Variants in TARS3 observed in about 807,000 individuals in gnomAD.
TARS3 encodes the protein threonine--tRNA ligase 2, cytoplasmic.
A neutral mutation model predicts 103.5 loss-of-function variants in TARS3; 94 were observed. That is an observed-to-expected ratio of 0.91 (90% CI 0.77 to 1.08). The LOEUF (loss-of-function observed/expected upper bound fraction) is 1.08, where lower values mean the gene tolerates loss of function less well. TARS3 is among the 50% of genes least tolerant of loss of function. The pLI, the probability that TARS3 is intolerant of heterozygous loss-of-function variation, is 0.00. For missense variants in TARS3, 952 were observed against 995.2 expected, an observed-to-expected ratio of 0.96 and a Z score of 0.58; for synonymous variants, 416 against 355.4, an observed-to-expected ratio of 1.17 and a Z score of -1.92.
rs1312321058 is a variant in TARS3, at chr15:101,675,622, T to C, written c.1766A>G (p.Glu589Gly). The stretch of plus-strand genomic sequence containing the variant: ...TACCTTCTCAGCCTCATTCCACATC[T>C]CAATCTCTCCTAGGAAGTTTTCCGG... ...TRPENFLGEI[E>G]MWNEAEKQLQ... The change falls in exon 13 of 19, where the codon GAG becomes GGG. Residue 589 changes from glutamate (E) to glycine (G), a missense_variant. Physicochemically the swap from Glu to Gly is moderately conservative, Grantham distance 98. This residue lies in a region of TARS3 where 540 missense variants were observed against 631.0 expected (regional missense o/e 0.86). Coordinates refer to ENST00000335968, the MANE Select transcript of TARS3 (RefSeq NM_152334.3). 6.2e-7 allele frequency: 1 copy of C among 1,613,772 alleles called. No homozygotes were observed. The highest frequency in any genetic ancestry group is 1.1e-5 in the South Asian group (1 of 90,986).
intron 5 of TARS3, among the ~76,000 whole-genome samples, chr15:101,709,959 C>T (rs1899776547): frequency 6.6e-6 from 1 of 152,070 alleles, no homozygotes; most frequent in Non-Finnish European, 1.5e-5. Flanking sequence ...GGCTAGGTCC[C>T]CTAGGTAGCT....
At chr15:101,671,350 C>T in intron 15 of TARS3, 136 bp downstream of exon 15, 1 of 640,400 alleles carries the variant, frequency 1.6e-6, no homozygotes. Flanking sequence ...GGATTATGAT[C>T]AGGTAAACAA....
chr15:101,681,279 T>A (rs1400912144), intron 12 of TARS3, among the ~76,000 whole-genome samples: 1 of 152,192 alleles, frequency 6.6e-6, no homozygotes, highest in Non-Finnish European at 1.5e-5. Flanking sequence ...TATACGAATT[T>A]TAGAATCAGC....
Position 101,714,956 on chromosome 15 carries a change from G to C in TARS3, c.574C>G (p.Leu192Val). Reference sequence around the variant, plus strand: ...TTGGCTATTACCGTGCTTTCAGCCAGTTCCTGACTAAGAAGACAAAAGCCA... The same window carrying C: ...TTGGCTATTACCGTGCTTTCAGCCACTTCCTGACTAAGAAGACAAAAGCCA... ...YQVAAEISQE[L>V]AESTVIAKVN... is the part of the protein sequence containing the mutation. The change falls in exon 4 of 19, where the codon CTG becomes GTG. Residue 192 changes from leucine (L) to valine (V), a missense_variant. Physicochemically the swap from Leu to Val is conservative, Grantham distance 32. Transcript: ENST00000335968. 3 of 1,605,450 alleles carry C rather than the reference G, an allele frequency of 1.9e-6. No homozygotes were observed. The highest frequency in any genetic ancestry group is 2.6e-6 in the Non-Finnish European group (3 of 1,175,540).
intron 8 of TARS3, among the ~76,000 whole-genome samples, chr15:101,702,884 T>C (rs971229826): frequency 6.6e-6 from 1 of 152,190 alleles, no homozygotes; most frequent in Non-Finnish European, 1.5e-5. Flanking sequence ...AATTATACCA[T>C]TAACCAGCAA....
intron 15 of TARS3, among the ~76,000 whole-genome samples, chr15:101,671,194 G>A (rs1411238288): frequency 6.6e-6 from 1 of 152,138 alleles, no homozygotes; most frequent in Non-Finnish European, 1.5e-5. Flanking sequence ...CCCAATGCCA[G>A]CATTTTGTGA....
chr15:101,720,451 C>T (rs1035619330), intron 3 of TARS3, among the ~76,000 whole-genome samples: 5 of 152,038 alleles, frequency 3.3e-5, no homozygotes, highest in African/African-American at 1.2e-4. Context: ...ACTTAAAAGA[C>T]CTGTAAAAAC....
intron 10 of TARS3, among the ~76,000 whole-genome samples, chr15:101,694,961 C>A (rs8033980): frequency 0.93 from 141,193 of 152,246 alleles, 65,904 homozygotes; most frequent in South Asian, 0.98. Context: ...AAAGTCCTGG[C>A]GAGTTTCGGA....
intron 10 of TARS3, among the ~76,000 whole-genome samples, chr15:101,691,363 T>C (rs1438870668): frequency 6.6e-6 from 1 of 151,818 alleles, no homozygotes; most frequent in African/African-American, 2.4e-5. Context: ...CACTGCAGCC[T>C]CTACCTCCTG....
intron 7 of TARS3, among the ~76,000 whole-genome samples, chr15:101,704,775 T>C (rs898969274): frequency 1.3e-5 from 2 of 151,896 alleles, no homozygotes; most frequent in Non-Finnish European, 2.9e-5. Context: ...TTGACGTAAG[T>C]AAGGTTCTCA....
intron 6 of TARS3, 59 bp from the exon 7 acceptor site, chr15:101,705,806 C>T (rs538694086): frequency 4.4e-6 from 6 of 1,350,390 alleles, no homozygotes; most frequent in Non-Finnish European, 1.0e-6. Flanking sequence ...AAGAAAACAA[C>T]TCTACTTTTC....
At position 101,675,585 on chromosome 15, in the gene TARS3, A is replaced by G. The variant is rs1195154221; in HGVS notation, c.1788+15T>C. On this transcript the variant is annotated intron_variant, in intron 13 of 18. Transcript: ENST00000335968. ...ACGACTAAAATGAAGAGGAAGCACA[A>G]GGTGTGTCTCTTACCTTCTCAGCCT... The G allele has an allele frequency of 6.2e-7, 1 of 1,607,240 alleles. No individual in the cohort carries two copies. The highest frequency in any genetic ancestry group is 8.5e-7 in the Non-Finnish European group (1 of 1,177,346).
chr15:101,715,338 G>C (rs1220645918), intron 3 of TARS3, among the ~76,000 whole-genome samples: 1 of 151,614 alleles, frequency 6.6e-6, no homozygotes, highest in Non-Finnish European at 1.5e-5. Flanking sequence ...AGTAGAGACG[G>C]GGTTTCACCG....
In TARS3 at chr15:101,705,730, G is replaced by T; in HGVS notation, c.948C>A (p.Cys316Ter). 1 of 1,609,664 alleles carries T rather than the reference G, an allele frequency of 6.2e-7. No individual in the cohort carries two copies. The highest frequency in any genetic ancestry group is 8.5e-7 in the Non-Finnish European group (1 of 1,177,230). ...TGTTAACTTTCTCATTCAGAATGCG[G>T]CATTTAAATTTATTGTACTACGAAG... ...LEMFKYNKFK[C>*]RILNEKVNTA... The change falls in exon 7 of 19, where the codon TGC becomes TGA. Residue 316 changes from cysteine to a stop codon, truncating the protein, a stop_gained. Transcript: ENST00000335968. LOFTEE classifies it high-confidence loss of function.
intron 15 of TARS3, among the ~76,000 whole-genome samples, chr15:101,670,643 A>G (rs759047412): frequency 6.6e-6 from 1 of 152,236 alleles, no homozygotes; most frequent in Non-Finnish European, 1.5e-5. Flanking sequence ...TTTAATTATC[A>G]TATGACCCAT....
intron 10 of TARS3, among the ~76,000 whole-genome samples, chr15:101,689,592 G>T (rs577347735): frequency 6.6e-6 from 1 of 152,270 alleles, no homozygotes; most frequent in South Asian, 2.1e-4. Flanking sequence ...AGAACATCAC[G>T]TGAAGACAGA....
chr15:101,654,788 G>C, intron 18 of TARS3, 58 bp from the exon 19 acceptor site: 11 of 1,508,324 alleles, frequency 7.3e-6, no homozygotes, highest in Non-Finnish European at 1.0e-5. Context: ...CAAACATTAA[G>C]TCAGCAGTCC....
At chr15:101,700,967 T>C (rs1226477267) in intron 10 of TARS3, 119 bp downstream of exon 10, 1 of 657,816 alleles carries the variant, frequency 1.5e-6, no homozygotes, top group Non-Finnish European at 2.5e-6. Flanking sequence ...ACCTCAAAAT[T>C]CTTATTAATG....
At chr15:101,724,027 T>G (rs751777181) in intron 1 of TARS3, 64 bp downstream of exon 1, 3 of 1,305,662 alleles carry the variant, frequency 2.3e-6, no homozygotes, top group Non-Finnish European at 2.9e-6. Flanking sequence ...TGAAAACCTT[T>G]CGGTGCGCAC....
Sources: allele counts gnomAD v4.1 joint callset (sites outside exome capture counted in the v4.1 genomes callset), GRCh38; gene constraint gnomAD v4.1.1; regional missense constraint gnomAD v4.1.1; transcripts MANE v1.5; gene names NCBI Gene and HGNC (gene_info 2026-07-23, HGNC 2026-07-21).